The following CABLES1 variants were observed in gnomAD, a reference collection of about 807,000 sequenced individuals.
CABLES1 encodes the protein CDK5 and ABL1 enzyme substrate 1.
Under a neutral mutation model 57.8 loss-of-function variants are expected in CABLES1, and 36 were observed. The ratio of observed to expected loss-of-function variants is 0.62; its 90% CI spans 0.48 to 0.82. The LOEUF (loss-of-function observed/expected upper bound fraction) is 0.82. Ranked by LOEUF, CABLES1 falls within the 40% of genes least tolerant of loss-of-function variation. CABLES1 has a pLI of 0.00. For synonymous variants in CABLES1, 374 were observed against 363.0 expected, an observed-to-expected ratio of 1.03 and a Z score of -0.35; for missense variants, 767 against 836.6, an observed-to-expected ratio of 0.92 and a Z score of 1.03.
At chr18:23,251,042 TC>T (rs2048024505) in intron 7 of CABLES1, among the ~76,000 whole-genome samples, 2 of 152,330 alleles carry the variant, frequency 1.3e-5, no homozygotes, top group South Asian at 4.1e-4. Flanking sequence ...GCCACCAACT[TC>T]CATTAGAGCT....
In CABLES1 at chr18:23,256,988, G is replaced by T. The variant is rs1192432924; in HGVS notation, c.1762-239G>T. 3.3e-5 allele frequency among the ~76,000 whole-genome samples: 5 copies of T among 152,298 alleles called. No homozygotes were observed. The East Asian group carries it at 9.6e-4, about 29-fold the overall frequency. On this transcript the variant is annotated intron_variant, in intron 9 of 9. Coordinates refer to ENST00000256925, the MANE Select transcript of CABLES1 (RefSeq NM_001100619.3). The stretch of plus-strand genomic sequence containing the variant: ...TGTCATATTCCTGAGAGGATTAAAT[G>T]ATGTCATAAGATGTATGTGTGGTTC...
chr18:23,146,396 C>T (rs546570040), intron 1 of CABLES1, among the ~76,000 whole-genome samples: 1 of 152,134 alleles, frequency 6.6e-6, no homozygotes, highest in African/African-American at 2.4e-5. Context: ...CTCTGCCTCC[C>T]GGGTTCAAGC....
chr18:23,207,361 T>C (rs2047371679), intron 3 of CABLES1, among the ~76,000 whole-genome samples: 1 of 152,168 alleles, frequency 6.6e-6, no homozygotes, highest in East Asian at 1.9e-4. Flanking sequence ...GTTCCTTGAA[T>C]AGGCTGAATG....
intron 1 of CABLES1, among the ~76,000 whole-genome samples, chr18:23,156,602 T>G (rs1189867987): frequency 6.6e-6 from 1 of 152,212 alleles, no homozygotes. Context: ...GATCCATTGC[T>G]CCGGAGGCAA....
At chr18:23,144,119 C>A (rs1177180909) in intron 1 of CABLES1, among the ~76,000 whole-genome samples, 1 of 152,244 alleles carries the variant, frequency 6.6e-6, no homozygotes. Context: ...CAGAGCCAGC[C>A]GCTGCTCTCC....
chr18:23,173,779 A>G (rs2047100597), intron 1 of CABLES1, among the ~76,000 whole-genome samples: 1 of 152,154 alleles, frequency 6.6e-6, no homozygotes. Flanking sequence ...CCTGGGCAAC[A>G]TGTCAAAACC....
Position 23,136,020 on chromosome 18 carries a change from C to A in CABLES1, c.258C>A (p.Gly86=). 1 of 1,139,396 alleles carries A rather than the reference C, an allele frequency of 8.8e-7. No homozygotes were observed. Among genetic ancestry groups the A allele is most frequent in the Non-Finnish European group, 1.1e-6 (1 of 930,414 alleles). 70.6% of individuals were successfully genotyped at this position (1,139,396 alleles called of 1,614,324 possible). The change falls in exon 1 of 10, where the codon GGC becomes GGA. Residue 86 remains glycine (G), a synonymous_variant. Coordinates refer to ENST00000256925, the MANE Select transcript of CABLES1 (RefSeq NM_001100619.3). ...GRLPPQDAEW[G]GGEEGGAAKP... ...TGCCGCCGCAGGACGCGGAGTGGGGCGGTGGCGAGGAGGGCGGCGCGGCCA... is the reference window on the plus strand; with the variant it reads ...TGCCGCCGCAGGACGCGGAGTGGGGAGGTGGCGAGGAGGGCGGCGCGGCCA...
chr18:23,194,056 G>A (rs1486394924), intron 2 of CABLES1, among the ~76,000 whole-genome samples: 2 of 152,142 alleles, frequency 1.3e-5, no homozygotes, highest in East Asian at 1.9e-4. Context: ...ATTTTCCGAT[G>A]TTTCCCTACC....
At chr18:23,218,541 C>T (rs113992051) in intron 4 of CABLES1, among the ~76,000 whole-genome samples, 1 of 73,088 alleles carries the variant, frequency 1.4e-5, no homozygotes, top group African/African-American at 7.3e-5. Flanking sequence ...CTTGCCCTGG[C>T]TCCCGCATCC....
intron 7 of CABLES1, among the ~76,000 whole-genome samples, chr18:23,251,517 C>G (rs1013141366): frequency 2.0e-5 from 3 of 152,044 alleles, no homozygotes; most frequent in Non-Finnish European, 4.4e-5. Context: ...CAAGTATACT[C>G]TCGAGGAGGG....
At chr18:23,134,773 G>A (rs1457488744), upstream of CABLES1, 1 of 152,184 alleles carries the variant, frequency 6.6e-6, no homozygotes, top group Non-Finnish European at 1.5e-5. Flanking sequence ...GAGATGAAAA[G>A]TGACAATACC....
At chr18:23,196,514 T>C (rs1351108501) in intron 3 of CABLES1, among the ~76,000 whole-genome samples, 1 of 151,946 alleles carries the variant, frequency 6.6e-6, no homozygotes, top group Non-Finnish European at 1.5e-5. Context: ...CAGAAGGAAA[T>C]TGTAGTCGAG....
rs145848722 is a variant in CABLES1 at position 23,170,394 on chromosome 18, A to G, written c.846-18444A>G. Among the ~76,000 whole-genome samples, 182 of 152,290 alleles carry G rather than the reference A, an allele frequency of 1.2e-3. 3 individuals carry two copies. In the East Asian group the frequency reaches 0.031, roughly 26 times the overall value. ...CACACACAGAACAGAGTCCCCTTCC[A>G]TCCACACCTGCCCTCTGGCTTCTGG... On this transcript the variant is annotated intron_variant, in intron 1 of 9. Transcript: ENST00000256925.
At chr18:23,191,584 CAGA>C (rs2047243044) in intron 2 of CABLES1, among the ~76,000 whole-genome samples, 2 of 152,124 alleles carry the variant, frequency 1.3e-5, no homozygotes, top group South Asian at 2.1e-4. Context: ...TTAAGCTTAG[CAGA>C]AGAACAAATG....
intron 1 of CABLES1, among the ~76,000 whole-genome samples, chr18:23,171,242 G>A (rs1019043080): frequency 2.0e-5 from 3 of 152,188 alleles, no homozygotes; most frequent in African/African-American, 4.8e-5. Context: ...CAGTCAGTGC[G>A]CCTTTGTTTT....
chr18:23,174,292 C>T (rs1366659091), intron 1 of CABLES1, among the ~76,000 whole-genome samples: 1 of 152,182 alleles, frequency 6.6e-6, no homozygotes, highest in Non-Finnish European at 1.5e-5. Context: ...TACTTCGTTC[C>T]TTCTCATGGC....
At chr18:23,244,599 G>A (rs552552451) in intron 7 of CABLES1, among the ~76,000 whole-genome samples, 1 of 152,322 alleles carries the variant, frequency 6.6e-6, no homozygotes, top group East Asian at 1.9e-4. Context: ...TAACAAGCAC[G>A]GAACAGCTGC....
intron 1 of CABLES1, among the ~76,000 whole-genome samples, chr18:23,152,288 G>A (rs2046935737): frequency 6.6e-6 from 1 of 152,084 alleles, no homozygotes; most frequent in Non-Finnish European, 1.5e-5. Context: ...AACTAAAGAT[G>A]ACCCTATTTC....
chr18:23,180,651 C>T (rs893809424), intron 1 of CABLES1, among the ~76,000 whole-genome samples: 2 of 152,070 alleles, frequency 1.3e-5, no homozygotes, highest in Non-Finnish European at 2.9e-5. Context: ...CTGAGACTGC[C>T]GGTGCATGCC....
Sources: allele counts gnomAD v4.1 joint callset (sites outside exome capture counted in the v4.1 genomes callset), GRCh38; gene constraint gnomAD v4.1.1; transcripts MANE v1.5; gene names NCBI Gene and HGNC (gene_info 2026-07-23, HGNC 2026-07-21).